DCAF6: variants seen among roughly 807,000 people sequenced by gnomAD.
The protein encoded by DCAF6 is DDB1 and CUL4 associated factor 6.
Under a neutral mutation model 125.1 loss-of-function variants are expected in DCAF6, and 54 were observed. The ratio of observed to expected loss-of-function variants is 0.43; its 90% CI spans 0.35 to 0.54. DCAF6 has a LOEUF of 0.54. DCAF6 is among the 20% of genes least tolerant of loss of function. The pLI, the probability that DCAF6 is intolerant of heterozygous loss-of-function variation, is 0.01. For missense variants in DCAF6, 934 were observed against 1,161.7 expected (o/e 0.80, Z 2.85); for synonymous variants, 371 against 390.4 (o/e 0.95, Z 0.58).
intron 2 of DCAF6, among the ~76,000 whole-genome samples, chr1:167,958,012 G>A (rs1675026332): frequency 6.6e-6 from 1 of 152,034 alleles, no homozygotes; most frequent in Non-Finnish European, 1.5e-5. Flanking sequence ...TTGTTGAGTT[G>A]TGTTTGTATA....
chr1:167,936,711 G>T lies in DCAF6; in HGVS notation c.-201G>T, dbSNP rs1671275027. Reference sequence around the variant, plus strand: ...TGTTCTGGTTAGTCTAAGAAGGAGAGTATGAGGCGAGCTCCGGCCCGGGTG... The same window carrying T: ...TGTTCTGGTTAGTCTAAGAAGGAGATTATGAGGCGAGCTCCGGCCCGGGTG... On this transcript the variant is annotated 5_prime_UTR_variant, in exon 1 of 22. Coordinates refer to ENST00000367840, the MANE Select transcript of DCAF6 (RefSeq NM_001198956.2). 3.4e-6 allele frequency: 2 copies of T among 583,944 alleles called. No individual in the cohort carries two copies. 36.2% of individuals were successfully genotyped at this position (583,944 alleles called of 1,614,324 possible).
intron 12 of DCAF6, among the ~76,000 whole-genome samples, chr1:168,028,645 G>GTGGA: frequency 1.3e-5 from 2 of 152,284 alleles, no homozygotes; most frequent in South Asian, 4.1e-4. Context: ...TAGGAGACTA[G>GTGGA]TGGATAATCA....
intron 8 of DCAF6, among the ~76,000 whole-genome samples, 190 bp from the exon 9 acceptor site, chr1:168,003,680 C>G (rs1007163786): frequency 6.6e-6 from 1 of 152,120 alleles, no homozygotes; most frequent in Admixed American, 6.6e-5. Context: ...TGGAAAGTCA[C>G]TGATATAAAC....
chr1:167,951,728 C>T, intron 1 of DCAF6, 72 bp from the exon 2 acceptor site: 1 of 956,410 alleles, frequency 1.0e-6, no homozygotes, highest in Non-Finnish European at 1.7e-6. Flanking sequence ...AGATCCTAGG[C>T]TCCTAATTTC....
intron 1 of DCAF6, among the ~76,000 whole-genome samples, chr1:167,939,498 T>TA: frequency 6.6e-6 from 1 of 152,294 alleles, no homozygotes; most frequent in South Asian, 2.1e-4. Context: ...CGCGGTGGCT[T>TA]ACGCCTGGAA....
chr1:167,985,136 C>A (rs942818810), intron 4 of DCAF6, among the ~76,000 whole-genome samples: 1 of 151,968 alleles, frequency 6.6e-6, no homozygotes, highest in African/African-American at 2.4e-5. Flanking sequence ...TCCCACAACA[C>A]GTGGCAATTC....
the DCAF6 span, among the ~76,000 whole-genome samples, chr1:167,906,961 C>A: frequency 2.6e-5 from 4 of 152,114 alleles, no homozygotes; most frequent in Non-Finnish European, 5.9e-5. Flanking sequence ...GTATGGTGTA[C>A]CATACACCTT....
At chr1:167,949,467 A>G (rs1393533977) in intron 1 of DCAF6, among the ~76,000 whole-genome samples, 3 of 152,190 alleles carry the variant, frequency 2.0e-5, no homozygotes, top group Non-Finnish European at 4.4e-5. Context: ...CTCCTTAGGG[A>G]TAAAGGTCGG....
intron 12 of DCAF6, among the ~76,000 whole-genome samples, chr1:168,036,904 A>G (rs1316328220): frequency 6.6e-6 from 1 of 152,196 alleles, no homozygotes; most frequent in Admixed American, 6.5e-5. Context: ...TTTATAATTC[A>G]CATTATTTTC....
At chr1:167,975,338 C>T (rs1430062375) in intron 4 of DCAF6, among the ~76,000 whole-genome samples, 1 of 152,178 alleles carries the variant, frequency 6.6e-6, no homozygotes, top group East Asian at 1.9e-4. Flanking sequence ...CTGTACTAGG[C>T]TTTACCCTTT....
chr1:167,992,566 G>A (rs1253447612), intron 6 of DCAF6, among the ~76,000 whole-genome samples: 4 of 152,146 alleles, frequency 2.6e-5, no homozygotes, highest in South Asian at 2.1e-4. Flanking sequence ...TTCTCAACAG[G>A]TGGACACAAT....
chr1:167,966,824 A>C (rs562638106), intron 3 of DCAF6, 103 bp downstream of exon 3: 1 of 709,606 alleles, frequency 1.4e-6, no homozygotes, highest in African/African-American at 1.8e-5. Context: ...TTATATTAGA[A>C]TATCCTCCCT....
chr1:167,920,776 A>G, the DCAF6 span: 1 of 834,126 alleles, frequency 1.2e-6, no homozygotes, highest in Non-Finnish European at 1.8e-6. Context: ...AATGTAGATT[A>G]CAACAAAAAA....
At chr1:167,924,573 A>C in the DCAF6 span, 8 of 1,448,410 alleles carry the variant, frequency 5.5e-6, no homozygotes, top group Non-Finnish European at 7.4e-6. Context: ...TCAGGAATAA[A>C]CCAAATATAT....
At chr1:167,960,330 G>A (rs1442625665) in intron 2 of DCAF6, among the ~76,000 whole-genome samples, 6 of 151,468 alleles carry the variant, frequency 4.0e-5, no homozygotes, top group South Asian at 4.2e-4. Flanking sequence ...ATGGAGTCTC[G>A]GCCTCTTGCC....
intron 3 of DCAF6, 51 bp from the exon 4 acceptor site, chr1:167,974,779 A>C: frequency 8.1e-6 from 11 of 1,365,252 alleles, no homozygotes; most frequent in Non-Finnish European, 9.7e-6. Context: ...AAAAATGAAT[A>C]TTTCTAGGAA....
At chr1:167,992,252 T>TACACACACACACACAC (rs761598229) in intron 6 of DCAF6, among the ~76,000 whole-genome samples, 19,396 of 142,622 alleles carry the variant, frequency 0.14, 1,704 homozygotes, top group Admixed American at 0.28. Context: ...AGGCCAGGAT[T>TACACACACACACACAC]ACACACACAC....
chr1:167,871,859 C>T, the DCAF6 span, among the ~76,000 whole-genome samples: 3 of 152,116 alleles, frequency 2.0e-5, no homozygotes, highest in East Asian at 1.9e-4. Context: ...ACCTCAATTT[C>T]GTGAGATGTT....
chr1:168,002,975 A>G (rs989530329), intron 8 of DCAF6, among the ~76,000 whole-genome samples: 1 of 152,166 alleles, frequency 6.6e-6, no homozygotes, highest in Non-Finnish European at 1.5e-5. Context: ...AGTGCCTTTG[A>G]TAAGCATAAG....
Sources: gnomAD v4.1 joint callset for allele counts (sites outside exome capture counted in the v4.1 genomes callset) on GRCh38, gnomAD v4.1.1 for gene constraint, MANE v1.5 for transcripts, NCBI Gene and HGNC (gene_info 2026-07-23, HGNC 2026-07-21) for gene names.